Variants in ERBIN observed in about 807,000 individuals in gnomAD.
ERBIN encodes the protein erbb2 interacting protein.
Under a neutral mutation model 158.4 loss-of-function variants are expected in ERBIN, and 60 were observed. The observed-to-expected ratio is 0.38, with a 90% CI of 0.31 to 0.47. The LOEUF (loss-of-function observed/expected upper bound fraction) is 0.47, where lower values mean the gene tolerates loss of function less well. Ranked by LOEUF, ERBIN falls within the 20% of genes least tolerant of loss-of-function variation. ERBIN has a pLI of 0.99. For missense variants in ERBIN, 1,610 were observed against 1,648.0 expected, an observed-to-expected ratio of 0.98 and a Z score of 0.40; for synonymous variants, 594 against 557.2, an observed-to-expected ratio of 1.07 and a Z score of -0.93.
chr5:65,982,403 A>G (rs1561328986), intron 1 of ERBIN, among the ~76,000 whole-genome samples: 1 of 152,228 alleles, frequency 6.6e-6, no homozygotes, highest in Non-Finnish European at 1.5e-5. Context: ...TGTAAATGAC[A>G]TTGCTCAGAG....
At chr5:65,965,536 C>G (rs1397677791) in intron 1 of ERBIN, among the ~76,000 whole-genome samples, 1 of 150,730 alleles carries the variant, frequency 6.6e-6, no homozygotes, top group Non-Finnish European at 1.5e-5. Context: ...TCTCAGGTAG[C>G]TGGGACTACA....
chr5:66,013,942 T>G (rs568262091), intron 6 of ERBIN, among the ~76,000 whole-genome samples: 1 of 152,270 alleles, frequency 6.6e-6, no homozygotes, highest in Non-Finnish European at 1.5e-5. Context: ...CTAAAATGAT[T>G]TAATAATTGA....
At chr5:66,013,665 TTTA>T in intron 6 of ERBIN, 27 bp downstream of exon 6, 1 of 1,445,756 alleles carries the variant, frequency 6.9e-7, no homozygotes, top group African/African-American at 1.4e-5. Context: ...TCTAAAACGT[TTTA>T]TTATTAGCTC....
In ERBIN at chr5:66,013,450, T is replaced by TAG. The variant is rs939399507; in HGVS notation, c.387-99_387-98insAG. The TAG allele has an allele frequency of 2.6e-5, 23 of 894,396 alleles. No homozygotes were observed. The Admixed American group carries it at 4.5e-4, about 18-fold the overall frequency. 55.4% of individuals were successfully genotyped at this position (894,396 alleles called of 1,614,324 possible). A position where few individuals can be genotyped will look rare whatever the true frequency, so the allele number is the denominator to read the frequency against. On this transcript the variant is annotated intron_variant, in intron 5 of 25. Coordinates refer to ENST00000284037, the MANE Select transcript of ERBIN (RefSeq NM_001253697.2). Reference sequence around the variant, plus strand: ...AGCCACTCATAACAGAAGCGACTGTTTTCTGTCTGTTGGGAAAATATCTTG... The same window carrying TAG: ...AGCCACTCATAACAGAAGCGACTGTTAGTTCTGTCTGTTGGGAAAATATCTTG...
chr5:66,025,404 A>T (rs1310616402), intron 10 of ERBIN, 76 bp from the exon 11 acceptor site: 2 of 1,032,092 alleles, frequency 1.9e-6, no homozygotes, highest in African/African-American at 1.6e-5. Context: ...CAGATGTAGT[A>T]TGTCTCACAC....
At chr5:65,982,639 T>C (rs1278667320) in intron 1 of ERBIN, among the ~76,000 whole-genome samples, 1 of 150,550 alleles carries the variant, frequency 6.6e-6, no homozygotes, top group South Asian at 2.1e-4. Flanking sequence ...AAATGCAAAA[T>C]AAAAACCAGA....
intron 15 of ERBIN, 80 bp from the exon 16 acceptor site, chr5:66,042,997 A>G: frequency 9.1e-7 from 1 of 1,094,244 alleles, no homozygotes; most frequent in Non-Finnish European, 1.3e-6. Flanking sequence ...AACATAACTC[A>G]TACAGAAATT....
intron 3 of ERBIN, among the ~76,000 whole-genome samples, chr5:65,993,587 A>G (rs1752113798): frequency 6.6e-6 from 1 of 150,912 alleles, no homozygotes; most frequent in Middle Eastern, 3.4e-3. Context: ...TTAAATTGCT[A>G]TATATTTAAT....
At chr5:66,076,513 A>G in intron 24 of ERBIN, 105 bp downstream of exon 24, 1 of 881,178 alleles carries the variant, frequency 1.1e-6, no homozygotes, top group Non-Finnish European at 1.8e-6. Context: ...AAATCTAGGT[A>G]GACATCACCT....
At chr5:65,948,284 C>G (rs1487749898) in intron 1 of ERBIN, among the ~76,000 whole-genome samples, 1 of 151,910 alleles carries the variant, frequency 6.6e-6, no homozygotes, top group Non-Finnish European at 1.5e-5. Flanking sequence ...AAGCAATCTT[C>G]CCGCCTCAGC....
At chr5:66,062,196 G>C (rs1297999801) in intron 21 of ERBIN, among the ~76,000 whole-genome samples, 1 of 152,046 alleles carries the variant, frequency 6.6e-6, no homozygotes, top group Non-Finnish European at 1.5e-5. Context: ...ACGTAGATTT[G>C]GTCTTTTCAC....
chr5:66,006,395 C>T (rs997470983), intron 4 of ERBIN, among the ~76,000 whole-genome samples: 13 of 151,998 alleles, frequency 8.6e-5, no homozygotes, highest in Non-Finnish European at 1.9e-4. Flanking sequence ...AATTAATTCA[C>T]GATGGATTAA....
At chr5:65,973,550 G>A (rs1371349060) in intron 1 of ERBIN, among the ~76,000 whole-genome samples, 1 of 151,344 alleles carries the variant, frequency 6.6e-6, no homozygotes, top group African/African-American at 2.5e-5. Context: ...CTCACATCTA[G>A]GATTCTCAAA....
Position 66,024,389 on chromosome 5 carries a change from T to C in ERBIN, c.756T>C (p.Cys252=). The C allele has an allele frequency of 6.2e-7, 1 of 1,608,362 alleles. No individual in the cohort carries two copies. The highest frequency in any genetic ancestry group is 1.7e-5 in the Admixed American group (1 of 58,816). Residue 252 remains cysteine (C), a synonymous_variant, in exon 10 of 26, where the codon TGT becomes TGC. Coordinates refer to ENST00000284037, the MANE Select transcript of ERBIN (RefSeq NM_001253697.2). ...TGGTTGAAGAAGGAATTTCAACATG[T>C]GAAAACCTTCAAGACCTCCTATTAT... The part of the protein sequence containing the change: ...IEMVEEGIST[C]ENLQDLLLSS...
rs538916835 is a variant in ERBIN at position 66,053,846 on chromosome 5, G to A, written c.2528G>A (p.Cys843Tyr). 45 of 1,614,098 alleles carry A rather than the reference G, an allele frequency of 2.8e-5. No homozygotes were observed. The highest frequency in any genetic ancestry group is 3.6e-5 in the Non-Finnish European group (43 of 1,180,010). Residue 843 changes from cysteine (C) to tyrosine (Y), a missense_variant, in exon 21 of 26, where the codon TGT becomes TAT. Cys to Tyr is a radical substitution (Grantham distance 194). This residue lies in a region of ERBIN where 1,014 missense variants were observed against 936.1 expected (regional missense o/e 1.08). Transcript: ENST00000284037. Reference protein sequence around the residue: ...PNRTEPHDSDCSVDLGISKST... With the variant: ...PNRTEPHDSDYSVDLGISKST... Reference sequence around the variant, plus strand: ...AGGACTGAACCACATGACAGTGATTGTTCTGTTGACTTAGGTATTTCCAAA... The same window carrying A: ...AGGACTGAACCACATGACAGTGATTATTCTGTTGACTTAGGTATTTCCAAA...
intron 1 of ERBIN, among the ~76,000 whole-genome samples, chr5:65,981,042 G>A (rs534844608): frequency 1.7e-4 from 26 of 152,270 alleles, no homozygotes; most frequent in African/African-American, 6.0e-4. Context: ...TACGTGGGGC[G>A]TCAAAAGTCT....
At chr5:66,029,499 A>G (rs1227219139) in intron 14 of ERBIN, among the ~76,000 whole-genome samples, 1 of 152,206 alleles carries the variant, frequency 6.6e-6, no homozygotes, top group Admixed American at 6.5e-5. Flanking sequence ...GTGTTAATAC[A>G]GTAAAGAAAC....
intron 25 of ERBIN, among the ~76,000 whole-genome samples, chr5:66,077,376 T>G (rs1006122433): frequency 6.6e-6 from 1 of 152,004 alleles, no homozygotes; most frequent in Non-Finnish European, 1.5e-5. Context: ...ACTTACAGTC[T>G]TAGAAGGAAG....
rs115212803 is a variant in ERBIN, at chr5:66,042,388, C to A, written c.1307-689C>A. 1.1e-3 allele frequency among the ~76,000 whole-genome samples: 173 copies of A among 152,062 alleles called. 1 individual carries two copies. The highest frequency in any genetic ancestry group is 4.0e-3 in the African/African-American group (167 of 41,532). ...GCTTTTGATATTACAGGTTGAGTATCTCTTATCCAAAATGCTTGAGACCAG... is the reference window on the plus strand; with the variant it reads ...GCTTTTGATATTACAGGTTGAGTATATCTTATCCAAAATGCTTGAGACCAG... On this transcript the variant is annotated intron_variant, in intron 15 of 25. Coordinates refer to ENST00000284037, the MANE Select transcript of ERBIN (RefSeq NM_001253697.2).
Sources: gnomAD v4.1 joint callset for allele counts (sites outside exome capture counted in the v4.1 genomes callset) on GRCh38, gnomAD v4.1.1 for gene constraint, gnomAD v4.1.1 regional missense constraint, MANE v1.5 for transcripts, NCBI Gene and HGNC (gene_info 2026-07-23, HGNC 2026-07-21) for gene names.